Variants in F8 observed in about 807,000 individuals in gnomAD.
F8 encodes the protein antihemophilic factor.
Under a neutral mutation model 140.6 loss-of-function variants are expected in F8, and 12 were observed. The ratio of observed to expected loss-of-function variants is 0.09; its 90% confidence interval spans 0.05 to 0.14. F8 has a LOEUF of 0.14. Ranked by LOEUF, F8 falls within the 10% of genes least tolerant of loss-of-function variation. F8 has a pLI of 1.00. For missense variants in F8, 1,354 were observed against 1,720.7 expected (o/e 0.79, Z 3.77); for synonymous variants, 585 against 614.6 (o/e 0.95, Z 0.71).
chrX:155,008,404 C>T (rs781878152), intron 1 of F8, among the ~76,000 whole-genome samples: 37 of 111,586 alleles, frequency 3.3e-4, no homozygotes, highest in African/African-American at 1.2e-3. Context: ...TGCCACCTGG[C>T]CCCGCCAGGC....
At position 154,930,844 on chromosome X, in the gene F8, A is replaced by AT. The variant is rs387906447; in HGVS notation, c.2945dup (p.Asn982LysfsTer9). ...ACCTACCACTCTCTGTTGACGATAC[A>AT]TTTTTTCCCCATGAACTTTCTTGGC... On this transcript the variant is annotated frameshift_variant, in exon 14 of 26. Coordinates refer to ENST00000360256, the MANE Select transcript of F8 (RefSeq NM_000132.4). LOFTEE classifies it high-confidence loss of function. The AT allele has an allele frequency of 8.3e-7, 1 of 1,207,903 alleles. No individual in the cohort carries two copies. Among genetic ancestry groups the AT allele is most frequent in the Non-Finnish European group, 1.1e-6 (1 of 893,794 alleles).
intron 14 of F8, among the ~76,000 whole-genome samples, chrX:154,924,077 T>G (rs1365870315): frequency 1.8e-5 from 2 of 112,592 alleles, no homozygotes; most frequent in Admixed American, 1.9e-4. Flanking sequence ...TGCCATGATT[T>G]TGAGGCCTCC....
chrX:154,943,029 G>C (rs2073278874), intron 13 of F8, among the ~76,000 whole-genome samples: 1 of 111,067 alleles, frequency 9.0e-6, no homozygotes, highest in East Asian at 2.8e-4. Flanking sequence ...AAAATAATAA[G>C]AGCTATCTAT....
intron 25 of F8, among the ~76,000 whole-genome samples, chrX:154,846,408 G>A (rs1400213418): frequency 9.0e-6 from 1 of 111,533 alleles, no homozygotes; most frequent in Non-Finnish European, 1.9e-5. Context: ...TTATTATTGT[G>A]TGGGAGTCTA....
chrX:154,982,595 T>G (rs1357671553), intron 6 of F8, among the ~76,000 whole-genome samples: 3 of 111,001 alleles, frequency 2.7e-5, no homozygotes, highest in Non-Finnish European at 5.7e-5. Context: ...CTTACATACT[T>G]ACAACCATAC....
intron 14 of F8, among the ~76,000 whole-genome samples, chrX:154,911,115 T>G (rs1298423974): frequency 9.1e-6 from 1 of 109,308 alleles, no homozygotes; most frequent in Non-Finnish European, 1.9e-5. Context: ...GTAGAGATAA[T>G]GATCAATAAA....
rs782616658 is a variant in F8, at chrX:154,931,276, A to T, written c.2514T>A (p.Asp838Glu). The T allele has an allele frequency of 5.8e-6, 7 of 1,211,326 alleles. No homozygotes were observed. The highest frequency in any genetic ancestry group is 3.4e-6 in the Non-Finnish European group (3 of 895,279). ...TACTGTCTATTGCTCCAGGTGATGGATCATCAGAAAAAGTCTCATATTTGG... is the reference window on the plus strand; with the variant it reads ...TACTGTCTATTGCTCCAGGTGATGGTTCATCAGAAAAAGTCTCATATTTGG... ...QEAKYETFSDDPSPGAIDSNN... is the reference protein window; with the variant it reads ...QEAKYETFSDEPSPGAIDSNN... The change falls in exon 14 of 26, where the codon GAT becomes GAA. Residue 838 changes from aspartate to glutamate, a missense_variant. This residue lies in a region of F8 where 658 missense variants were observed against 666.5 expected (regional missense o/e 0.99). Coordinates refer to ENST00000360256, the MANE Select transcript of F8 (RefSeq NM_000132.4).
At chrX:154,919,195 C>T (rs1458371480) in intron 14 of F8, 1 of 112,014 alleles carries the variant, frequency 8.9e-6, no homozygotes, top group Non-Finnish European at 1.9e-5. Flanking sequence ...TCTTAACGCT[C>T]ATAAAACATT....
In F8 at chrX:154,897,475, T is replaced by C. The variant is rs1350884497; in HGVS notation, c.6274-1243A>G. On this transcript the variant is annotated intron_variant, in intron 21 of 25. Coordinates refer to ENST00000360256, the MANE Select transcript of F8 (RefSeq NM_000132.4). ...ACAGTTGAGTAGGAGAAATAGACCTTATATCATATATGTTTTTATTTGTTT... is the reference window on the plus strand; with the variant it reads ...ACAGTTGAGTAGGAGAAATAGACCTCATATCATATATGTTTTTATTTGTTT... The C allele has an allele frequency of 5.3e-5, 6 of 112,349 alleles. No individual in the cohort carries two copies. The East Asian group carries it at 1.7e-3, about 31-fold the overall frequency. 9.3% of individuals were successfully genotyped at this position (112,349 alleles called of 1,213,427 possible). A position where few individuals can be genotyped will look rare whatever the true frequency, so the allele number is the denominator to read the frequency against.
chrX:154,952,636 G>A (rs782664889), intron 12 of F8, among the ~76,000 whole-genome samples: 4 of 108,356 alleles, frequency 3.7e-5, no homozygotes, highest in African/African-American at 1.0e-4. Flanking sequence ...TCCGCCTTCC[G>A]GGTTCACGCC....
At position 154,837,534 on chromosome X, in the gene F8, G is replaced by A; in HGVS notation, c.*63C>T. ...AAAGGTAGAAGGCAAGCCAGGGAGG[G>A]ACACTGCCCTGGAGCTGAGGAGGGA... On this transcript the variant is annotated 3_prime_UTR_variant, in exon 26 of 26. Transcript: ENST00000360256. The A allele has an allele frequency of 1.1e-5, 12 of 1,136,331 alleles. No individual in the cohort carries two copies. The highest frequency in any genetic ancestry group is 1.4e-5 in the Non-Finnish European group (12 of 842,272). 93.6% of individuals were successfully genotyped at this position (1,136,331 alleles called of 1,213,427 possible).
chrX:154,961,301 A>G (rs1603435031), intron 9 of F8, 133 bp from the exon 10 acceptor site: 1 of 465,845 alleles, frequency 2.1e-6, no homozygotes, highest in East Asian at 3.8e-5. Context: ...ATAAAACTCA[A>G]AATATTTGGT....
At chrX:154,996,850 T>G in intron 3 of F8, 123 bp downstream of exon 3, 1 of 783,278 alleles carries the variant, frequency 1.3e-6, no homozygotes, top group Non-Finnish European at 1.9e-6. Context: ...TAGTAAATGT[T>G]AAGAAATACA....
intron 1 of F8, among the ~76,000 whole-genome samples, chrX:155,019,208 A>G (rs2073748778): frequency 8.9e-6 from 1 of 112,352 alleles, no homozygotes. Flanking sequence ...AATAAACACC[A>G]TTTACAAAAA....
Position 154,937,379 on chromosome X carries a change from CT to C in F8, c.2114-5704del, listed in dbSNP as rs1313029608. On this transcript the variant is annotated intron_variant, in intron 13 of 25. Transcript: ENST00000360256. The stretch of plus-strand genomic sequence containing the variant: ...ATGAACCTATAACAAAGGCGACAAA[CT>C]TTTTTTTTTTATTATACTTTAAGTT... Among the ~76,000 whole-genome samples, 300 of 104,569 alleles carry C rather than the reference CT, an allele frequency of 2.9e-3. 1 individual carries two copies. Among genetic ancestry groups the C allele is most frequent in the African/African-American group, 8.7e-3 (254 of 29,054 alleles). 90.8% of individuals were successfully genotyped at this position (104,569 alleles called of 115,157 possible). A position where few individuals can be genotyped will look rare whatever the true frequency, so the allele number is the denominator to read the frequency against.
intron 14 of F8, among the ~76,000 whole-genome samples, chrX:154,911,027 C>A (rs2073064277): frequency 9.1e-6 from 1 of 109,463 alleles, no homozygotes; most frequent in Non-Finnish European, 1.9e-5. Flanking sequence ...GACACAGAGA[C>A]CTTTGTTCAC....
At chrX:154,989,547 T>C (rs1416130488) in intron 4 of F8, among the ~76,000 whole-genome samples, 1 of 112,043 alleles carries the variant, frequency 8.9e-6, no homozygotes, top group Non-Finnish European at 1.9e-5. Context: ...TTTATATTAT[T>C]ATTTTAGCTA....
chrX:154,943,284 A>G (rs1316756385), intron 13 of F8, among the ~76,000 whole-genome samples: 8 of 112,017 alleles, frequency 7.1e-5, no homozygotes, highest in South Asian at 3.7e-4. Context: ...GTCTCAGCCC[A>G]AAATCTCCTT....
intron 25 of F8, among the ~76,000 whole-genome samples, chrX:154,843,543 C>A (rs1208856636): frequency 8.9e-6 from 1 of 111,980 alleles, no homozygotes; most frequent in Non-Finnish European, 1.9e-5. Flanking sequence ...CTCTGATGGC[C>A]AGTGATGATG....
Sources: gnomAD v4.1 joint callset for allele counts (sites outside exome capture counted in the v4.1 genomes callset) on GRCh38, gnomAD v4.1.1 for gene constraint, gnomAD v4.1.1 regional missense constraint, MANE v1.5 for transcripts, NCBI Gene and HGNC (gene_info 2026-07-23, HGNC 2026-07-21) for gene names.